Variants in GPX7 observed in about 807,000 individuals in gnomAD.
The protein encoded by GPX7 is protein peroxidase GPX7.
In GPX7, 21 loss-of-function variants were observed where a neutral mutation model predicts 23.7. That is an observed-to-expected ratio of 0.89 (90% CI 0.63 to 1.28). GPX7 has a LOEUF of 1.28. Ranked by LOEUF, GPX7 falls within the 50% of genes most tolerant of loss-of-function variation. The pLI, the probability that GPX7 is intolerant of heterozygous loss-of-function variation, is 0.00. For missense variants in GPX7, 238 were observed against 237.3 expected, an observed-to-expected ratio of 1.00 and a Z score of -0.02; for synonymous variants, 112 against 101.8, an observed-to-expected ratio of 1.10 and a Z score of -0.61.
At position 52,602,454 on chromosome 1, in the gene GPX7, T is replaced by C; in HGVS notation, c.45T>C (p.Ala15=). Residue 15 remains alanine, a synonymous_variant, in exon 1 of 3, where the codon GCT becomes GCC. Transcript: ENST00000361314. ...TVAAAWLLLW[A]AACAQQEQDF... is the part of the protein sequence containing the mutation. ...CAGCGGCGTGGCTGCTCCTGTGGGC[T>C]GCGGCCTGCGCGCAGCAGGAGCAGG... 1 of 1,536,370 alleles carries C rather than the reference T, an allele frequency of 6.5e-7. No individual in the cohort carries two copies. Among genetic ancestry groups the C allele is most frequent in the Non-Finnish European group, 8.7e-7 (1 of 1,146,156 alleles).
chr1:52,603,893 C>G (rs1389006233), intron 1 of GPX7, among the ~76,000 whole-genome samples: 1 of 152,108 alleles, frequency 6.6e-6, no homozygotes, highest in Non-Finnish European at 1.5e-5. Flanking sequence ...GAACAGGGCC[C>G]GCTCCAATTC....
intron 1 of GPX7, among the ~76,000 whole-genome samples, chr1:52,606,082 G>A (rs1019949276): frequency 7.9e-5 from 12 of 152,194 alleles, no homozygotes; most frequent in East Asian, 7.7e-4. Flanking sequence ...CCATGCAGGC[G>A]TTTGTGTTTG....
chr1:52,607,479 G>A (rs1444414161), intron 2 of GPX7: 6 of 155,708 alleles, frequency 3.9e-5, no homozygotes, highest in Admixed American at 3.1e-4. Context: ...AAGCCTCAGA[G>A]CCACAGAATG....
In GPX7 at chr1:52,606,578, T is replaced by C. The variant is rs901039498; in HGVS notation, c.139-106T>C. 4.0e-6 allele frequency: 5 copies of C among 1,258,554 alleles called. No homozygotes were observed. The Admixed American group carries it at 1.0e-4, about 26-fold the overall frequency. 78.0% of individuals were successfully genotyped at this position (1,258,554 alleles called of 1,614,324 possible). A position where few individuals can be genotyped will look rare whatever the true frequency, so the allele number is the denominator to read the frequency against. ...GTGTTCTTGTATGTGTGAGGCAGTATTAACTGTTGAGGGAGTCACATATGT... is the reference window on the plus strand; with the variant it reads ...GTGTTCTTGTATGTGTGAGGCAGTACTAACTGTTGAGGGAGTCACATATGT... On this transcript the variant is annotated intron_variant, in intron 1 of 2. Coordinates refer to ENST00000361314, the MANE Select transcript of GPX7 (RefSeq NM_015696.5).
chr1:52,606,091 T>C (rs770531740), intron 1 of GPX7, among the ~76,000 whole-genome samples: 1 of 152,232 alleles, frequency 6.6e-6, no homozygotes, highest in African/African-American at 2.4e-5. Flanking sequence ...CGTTTGTGTT[T>C]GTGTGCACAC....
In GPX7 at chr1:52,608,390, A is replaced by T. The variant is rs1022999132; in HGVS notation, c.529A>T (p.Arg177Trp). The T allele has an allele frequency of 1.2e-6, 2 of 1,613,486 alleles. No individual in the cohort carries two copies. Among genetic ancestry groups the T allele is most frequent in the African/African-American group, 2.7e-5 (2 of 74,964 alleles). The change falls in exon 3 of 3, where the codon AGG (arginine) becomes TGG (tryptophan). Residue 177 changes from arginine (R) to tryptophan (W), a missense_variant. By Grantham distance (101) the Arg-to-Trp change is moderately radical (BLOSUM62 -3). Coordinates refer to ENST00000361314, the MANE Select transcript of GPX7 (RefSeq NM_015696.5). ...EVRPQITALVRKLILLKREDL is the reference protein window; with the variant it reads ...EVRPQITALVWKLILLKREDL ...CAGACCCCAGATCACAGCGCTCGTG[A>T]GGAAGCTCATCCTACTGAAGCGAGA...
intron 1 of GPX7, among the ~76,000 whole-genome samples, chr1:52,606,294 G>A (rs1690851184): frequency 1.3e-5 from 2 of 152,192 alleles, no homozygotes; most frequent in Admixed American, 1.3e-4. Context: ...TCAGTTCTCA[G>A]TATGTGCTCA....
At chr1:52,602,663 G>C (rs976577863) in intron 1 of GPX7, 116 bp downstream of exon 1, 9 of 385,880 alleles carry the variant, frequency 2.3e-5, no homozygotes. Context: ...CGCTCCAGCC[G>C]CGCGGCCGCC....
intron 1 of GPX7, among the ~76,000 whole-genome samples, chr1:52,603,974 T>G (rs894273476): frequency 6.6e-6 from 1 of 152,140 alleles, no homozygotes; most frequent in African/African-American, 2.4e-5. Flanking sequence ...CTCTGCTACT[T>G]ATTAATTCGT....
rs35263197 is a variant in GPX7 at position 52,608,047 on chromosome 1, C to T, written c.401-215C>T. On this transcript the variant is annotated intron_variant, in intron 2 of 2. Transcript: ENST00000361314. ...GCACGTCACAGAATCCTACAGCAGT[C>T]GTTCTCAACCTCGGCCCCACTTTGG... is the stretch of plus-strand genomic sequence containing the variant. 4.5e-3 allele frequency among the ~76,000 whole-genome samples: 691 copies of T among 152,296 alleles called. 3 individuals are homozygous for T. Among genetic ancestry groups the T allele is most frequent in the Middle Eastern group, 0.01 (3 of 294 alleles).
rs116034961 is a variant in GPX7 at position 52,606,138 on chromosome 1, T to C, written c.139-546T>C. Among the ~76,000 whole-genome samples the C allele has an allele frequency of 3.2e-3, 494 of 152,334 alleles. 2 individuals carry two copies. Among genetic ancestry groups the C allele is most frequent in the Middle Eastern group, 0.014 (4 of 294 alleles). On this transcript the variant is annotated intron_variant, in intron 1 of 2. Transcript: ENST00000361314. ...TCTGAAACTTACTGAGACTTTTTCA[T>C]ATGCCAGGCCCAGAGATGAAGTGGA...
At position 52,608,423 on chromosome 1, in the gene GPX7, T is replaced by C. The variant is rs752571224; in HGVS notation, c.562T>C (p.Ter188GlnextTer32). The C allele has an allele frequency of 3.7e-6, 6 of 1,606,030 alleles. No homozygotes were observed. The highest frequency in any genetic ancestry group is 2.2e-5 in the East Asian group (1 of 44,736). ...CATCCTACTGAAGCGAGAAGACTTA[T>C]AACCACCGCGTCTCCTCCTCCACCA... is the stretch of plus-strand genomic sequence containing the variant. ...KLILLKREDL[*>Q] The change falls in exon 3 of 3, where the codon TAA becomes CAA. Residue 188 changes from the stop codon to glutamine (Q), a stop_lost. Coordinates refer to ENST00000361314, the MANE Select transcript of GPX7 (RefSeq NM_015696.5).
chr1:52,607,013 C>A, intron 2 of GPX7, 68 bp downstream of exon 2: 1 of 1,549,120 alleles, frequency 6.5e-7, no homozygotes, highest in South Asian at 1.2e-5. Flanking sequence ...CCCTGGGCAG[C>A]AGAAGCCACT....
intron 1 of GPX7, among the ~76,000 whole-genome samples, chr1:52,603,494 C>T (rs1279281504): frequency 6.6e-6 from 1 of 152,086 alleles, no homozygotes; most frequent in Non-Finnish European, 1.5e-5. Context: ...GAGAGGCCTG[C>T]ATGTCACATT....
At position 52,602,532 on chromosome 1, in the gene GPX7, G is replaced by A. The variant is rs756283651; in HGVS notation, c.123G>A (p.Glu41=). The A allele has an allele frequency of 1.9e-5, 30 of 1,561,044 alleles. No homozygotes were observed. The highest frequency in any genetic ancestry group is 3.8e-5 in the Admixed American group (2 of 52,674). Residue 41 remains glutamate, a synonymous_variant, in exon 1 of 3, where the codon GAG becomes GAA. Coordinates refer to ENST00000361314, the MANE Select transcript of GPX7 (RefSeq NM_015696.5). ...VNIRGKLVSL[E]KYRGSVSLVV... is the part of the protein sequence containing the mutation. ...TCCGGGGCAAACTGGTGTCGCTGGA[G>A]AAGTACCGCGGATCGGTGAGTGCGC...
chr1:52,602,813 G>A (rs901079954), intron 1 of GPX7, among the ~76,000 whole-genome samples: 9 of 152,020 alleles, frequency 5.9e-5, no homozygotes, highest in Admixed American at 5.9e-4. Flanking sequence ...CGCCCACTTC[G>A]CTACCGGCAC....
intron 2 of GPX7, 36 bp from the exon 3 acceptor site, chr1:52,608,226 G>T: frequency 6.3e-7 from 1 of 1,582,434 alleles, no homozygotes; most frequent in South Asian, 1.2e-5. Context: ...AGGGTACGCA[G>T]GGTAGCACGC....
In GPX7 at chr1:52,606,730, A is replaced by G. The variant is rs1398424160; in HGVS notation, c.185A>G (p.Gln62Arg). Residue 62 changes from glutamine to arginine, a missense_variant, in exon 2 of 3, where the codon CAG becomes CGG. By Grantham distance (43) the Gln-to-Arg change is conservative. Coordinates refer to ENST00000361314, the MANE Select transcript of GPX7 (RefSeq NM_015696.5). ...NVASECGFTD[Q>R]HYRALQQLQR... ...GCCAGCGAGTGCGGCTTCACAGACCAGCACTACCGAGCCCTGCAGCAGCTG... is the reference window on the plus strand; with the variant it reads ...GCCAGCGAGTGCGGCTTCACAGACCGGCACTACCGAGCCCTGCAGCAGCTG... 5.6e-6 allele frequency: 9 copies of G among 1,614,120 alleles called. No homozygotes were observed. The highest frequency in any genetic ancestry group is 2.2e-5 in the East Asian group (1 of 44,884).
intron 1 of GPX7, among the ~76,000 whole-genome samples, chr1:52,604,300 A>G (rs1690831653): frequency 6.6e-6 from 1 of 152,216 alleles, no homozygotes; most frequent in Admixed American, 6.5e-5. Flanking sequence ...GAAAAGCTGT[A>G]ATTGGTGCTG....
Sources: gnomAD v4.1 joint callset for allele counts (sites outside exome capture counted in the v4.1 genomes callset) on GRCh38, gnomAD v4.1.1 for gene constraint, MANE v1.5 for transcripts, NCBI Gene and HGNC (gene_info 2026-07-23, HGNC 2026-07-21) for gene names.